The following CARD14 variants were observed in gnomAD, a reference collection of about 807,000 sequenced individuals.
The protein encoded by CARD14 is caspase recruitment domain family member 14, also known as caspase recruitment domain-containing protein 14.
In CARD14, 107 loss-of-function variants were observed where a neutral mutation model predicts 111.5. The ratio of observed to expected loss-of-function variants is 0.96; its 90% CI spans 0.82 to 1.13. The LOEUF is 1.13. CARD14 is among the 50% of genes most tolerant of loss of function. The probability of loss-of-function intolerance (pLI) is 0.00; values close to 1 mark genes in which losing one functional copy is unlikely to be tolerated. For missense variants in CARD14, 1,322 were observed against 1,362.3 expected, an observed-to-expected ratio of 0.97 and a Z score of 0.47; for synonymous variants, 617 against 579.6, an observed-to-expected ratio of 1.06 and a Z score of -0.93.
chr17:80,172,644 T>A (rs1191677306), intron 1 of CARD14, among the ~76,000 whole-genome samples: 1 of 152,034 alleles, frequency 6.6e-6, no homozygotes, highest in Admixed American at 6.6e-5. Context: ...TGATGCCCCC[T>A]AAACCGAGTC....
At chr17:80,196,327 T>C (rs755341) in intron 14 of CARD14, 86,108 of 152,116 alleles carry the variant, frequency 0.57, 25,183 homozygotes, top group African/African-American at 0.71. Context: ...GAATCAGAAA[T>C]CTTCATCTTT....
chr17:80,205,133 G>A lies in CARD14; in HGVS notation c.2497G>A (p.Val833Met), dbSNP rs1310418853. The change falls in exon 21 of 24, where the codon GTG (valine) becomes ATG (methionine). Residue 833 changes from valine (V) to methionine (M), a missense_variant. Val to Met is a conservative substitution (Grantham distance 21). Transcript: ENST00000648509. ...CGCCCGGCCCCGGCCTGTGCTCCTC[G>A]TGCCCAGGGCGGTTGGGAAGATCCT... is the stretch of plus-strand genomic sequence containing the variant. ...RPARPRPVLL[V>M]PRAVGKILSE... The A allele has an allele frequency of 5.6e-6, 9 of 1,613,720 alleles. No individual in the cohort carries two copies. Among genetic ancestry groups the A allele is most frequent in the East Asian group, 4.5e-5 (2 of 44,870 alleles).
rs990296556 is a variant in CARD14, at chr17:80,208,441, T to G, written c.*96T>G. On this transcript the variant is annotated 3_prime_UTR_variant, in exon 24 of 24. Transcript: ENST00000648509. ...AGGCCCTCTTGGCACAGCTGTGGGC[T>G]CCTTGGCACATGAGGCCGGCTCTCC... The G allele has an allele frequency of 2.5e-6, 3 of 1,176,484 alleles. No individual in the cohort carries two copies. The allele number at this position is 1,176,484 out of a possible 1,614,324, so 72.9% of individuals were successfully genotyped here. A position where few individuals can be genotyped will look rare whatever the true frequency, so the allele number is the denominator to read the frequency against.
At position 80,195,197 on chromosome 17, in the gene CARD14, C is replaced by A. The variant is rs1355906744; in HGVS notation, c.1363C>A (p.Leu455Ile). The A allele has an allele frequency of 6.2e-7, 1 of 1,605,532 alleles. No individual in the cohort carries two copies. The highest frequency in any genetic ancestry group is 8.5e-7 in the Non-Finnish European group (1 of 1,175,324). Reference sequence around the variant, plus strand: ...TCTGCCCTCCCTCCTCCAGTCTCAGCTCTTGTCGGACCTGAGTGCCACGTC... The same window carrying A: ...TCTGCCCTCCCTCCTCCAGTCTCAGATCTTGTCGGACCTGAGTGCCACGTC... Reference protein sequence around the residue: ...CSLVSSTESQLLSDLSATSSR... With the variant: ...CSLVSSTESQILSDLSATSSR... The change falls in exon 13 of 24, where the codon CTC (leucine) becomes ATC (isoleucine). Residue 455 changes from leucine to isoleucine, a missense_variant. Coordinates refer to ENST00000648509, the MANE Select transcript of CARD14 (RefSeq NM_001366385.1). The surrounding 1 kb of genome is among the most constrained non-coding windows in gnomAD (Gnocchi z 4.7).
rs1462870207 is a variant in CARD14 at position 80,182,378 on chromosome 17, C to T, written c.212-275C>T. On this transcript the variant is annotated intron_variant, in intron 5 of 23. Transcript: ENST00000648509. The surrounding 1 kb of genome is among the most constrained non-coding windows in gnomAD (Gnocchi z 4.7). ...TCCTCACCCCGTCCCGGTCCCCCCGCACTCGCCAGAGCACTGGGGTTGCAG... is the reference window on the plus strand; with the variant it reads ...TCCTCACCCCGTCCCGGTCCCCCCGTACTCGCCAGAGCACTGGGGTTGCAG... Among the ~76,000 whole-genome samples, 4 of 152,238 alleles carry T rather than the reference C, an allele frequency of 2.6e-5. No homozygotes were observed. Among genetic ancestry groups the T allele is most frequent in the African/African-American group, 9.6e-5 (4 of 41,460 alleles).
At position 80,172,872 on chromosome 17, in the gene CARD14, CTTTTTTTTTTTTTTTT is replaced by C. The variant is rs55912754; in HGVS notation, c.-689-23_-689-8del. ...CCCATACTTGCTTATTCTAAACATTCTTTTTTTTTTTTTTTTTTTTTTTTTTGAGGTAGAGTTTCAC... is the reference window on the plus strand; with the variant it reads ...CCCATACTTGCTTATTCTAAACATTCTTTTTTTTTTGAGGTAGAGTTTCAC... On this transcript the variant is annotated intron_variant, in intron 1 of 23. Transcript: ENST00000648509. 1.4e-5 allele frequency: 1 copy of C among 70,752 alleles called. No individual in the cohort carries two copies. Among genetic ancestry groups the C allele is most frequent in the African/African-American group, 5.8e-5 (1 of 17,156 alleles). The allele number at this position is 70,752 out of a possible 1,614,324, so 4.4% of individuals were successfully genotyped here.
Position 80,188,563 on chromosome 17 carries a change from A to G in CARD14, c.843+19A>G, listed in dbSNP as rs770790125. On this transcript the variant is annotated intron_variant, in intron 8 of 23. Coordinates refer to ENST00000648509, the MANE Select transcript of CARD14 (RefSeq NM_001366385.1). This position sits in a 1 kb window ranked among gnomAD's most constrained non-coding sequence, Gnocchi z 4.5. ...CAGCCTGGTAGGTTCCGGTCCCCGC[A>G]GCAGAGAGCGGCCTCCTGCCTTGGG... is the stretch of plus-strand genomic sequence containing the variant. The G allele has an allele frequency of 2.1e-6, 3 of 1,458,944 alleles. No individual in the cohort carries two copies. The highest frequency in any genetic ancestry group is 2.7e-6 in the Non-Finnish European group (3 of 1,102,830). The allele number at this position is 1,458,944 out of a possible 1,614,324, so 90.4% of individuals were successfully genotyped here. A position where few individuals can be genotyped will look rare whatever the true frequency, so the allele number is the denominator to read the frequency against.
At chr17:80,177,561 G>A (rs1456984712) in intron 2 of CARD14, among the ~76,000 whole-genome samples, 1 of 152,116 alleles carries the variant, frequency 6.6e-6, no homozygotes, top group African/African-American at 2.4e-5. Flanking sequence ...TGGGCATGGT[G>A]GCATGCACCT....
chr17:80,204,549 G>A lies in CARD14; in HGVS notation c.2398+208G>A, dbSNP rs148464782. ...TGAGGCAGGAGAATCGCCTGAACCC[G>A]GGAGGCAGAGGTGGCAGTGAGCCGA... On this transcript the variant is annotated intron_variant, in intron 20 of 23. Coordinates refer to ENST00000648509, the MANE Select transcript of CARD14 (RefSeq NM_001366385.1). 367 of 474,736 alleles carry A rather than the reference G, an allele frequency of 7.7e-4. 3 individuals are homozygous for A. Among genetic ancestry groups the A allele is most frequent in the African/African-American group, 6.2e-3 (318 of 51,690 alleles). The allele number at this position is 474,736 out of a possible 1,614,324, so 29.4% of individuals were successfully genotyped here.
chr17:80,194,732 C>T (rs1343141805), intron 12 of CARD14, among the ~76,000 whole-genome samples: 1 of 152,128 alleles, frequency 6.6e-6, no homozygotes, highest in Admixed American at 6.5e-5. Flanking sequence ...TTTATAAAAC[C>T]ATCAGATCTT....
chr17:80,194,656 T>C (rs973432779), intron 12 of CARD14, among the ~76,000 whole-genome samples: 9 of 152,174 alleles, frequency 5.9e-5, no homozygotes, highest in African/African-American at 2.2e-4. Flanking sequence ...CTTACAATCA[T>C]GGCAGAAGGC....
At chr17:80,179,408 A>G (rs888151193) in intron 4 of CARD14, 107 bp downstream of exon 4, 3 of 152,262 alleles carry the variant, frequency 2.0e-5, no homozygotes, top group African/African-American at 7.2e-5. Context: ...GAAGCCGTAC[A>G]GCCTTGCACA....
chr17:80,174,918 T>G (rs1322211019), intron 2 of CARD14, among the ~76,000 whole-genome samples: 1 of 152,142 alleles, frequency 6.6e-6, no homozygotes, highest in Non-Finnish European at 1.5e-5. Flanking sequence ...GTGCCCCCAG[T>G]GCCCCTTGGC....
rs997702870 is a variant in CARD14, at chr17:80,188,038, G to A, written c.676-339G>A. The A allele has an allele frequency of 7.8e-6, 7 of 902,624 alleles. No individual in the cohort carries two copies. Among genetic ancestry groups the A allele is most frequent in the African/African-American group, 3.6e-5 (2 of 56,164 alleles). 55.9% of individuals were successfully genotyped at this position (902,624 alleles called of 1,614,324 possible). A position where few individuals can be genotyped will look rare whatever the true frequency, so the allele number is the denominator to read the frequency against. ...GAACATGGACAAGCAGGGAAGCCAG[G>A]GAGCATGCTGGCCATCACTGCCGGC... On this transcript the variant is annotated intron_variant, in intron 7 of 23. Transcript: ENST00000648509. The surrounding 1 kb of genome is among the most constrained non-coding windows in gnomAD (Gnocchi z 4.5).
Position 80,184,189 on chromosome 17 carries a change from T to C in CARD14, c.626T>C (p.Leu209Pro). Residue 209 changes from leucine (L) to proline (P), a missense_variant, in exon 7 of 24, where the codon CTG becomes CCG. By Grantham distance (98) the Leu-to-Pro change is moderately conservative. Coordinates refer to ENST00000648509, the MANE Select transcript of CARD14 (RefSeq NM_001366385.1). ...CTCTCGCTGCACTATAGCAATGCGCTGCAGGAGAAGGAGCTGGCCGCCTCA... is the reference window on the plus strand; with the variant it reads ...CTCTCGCTGCACTATAGCAATGCGCCGCAGGAGAAGGAGCTGGCCGCCTCA... Reference protein sequence around the residue: ...LSLSLHYSNALQEKELAASRC... With the variant: ...LSLSLHYSNAPQEKELAASRC... 6.4e-7 allele frequency: 1 copy of C among 1,559,284 alleles called. No individual in the cohort carries two copies. The highest frequency in any genetic ancestry group is 8.7e-7 in the Non-Finnish European group (1 of 1,151,670).
In CARD14 at chr17:80,201,807, G is replaced by T; in HGVS notation, c.1915G>T (p.Ala639Ser). Residue 639 changes from alanine to serine, a missense_variant, in exon 17 of 24, where the codon GCC becomes TCC. By Grantham distance (99) the Ala-to-Ser change is moderately conservative. Transcript: ENST00000648509. The surrounding 1 kb of genome is among the most constrained non-coding windows in gnomAD (Gnocchi z 5.0). ...CCTGGAGGACACGACCCTGGAGGAG[G>T]CCGTGGGGCTTCTCAGGAGGGTGGA... ...AVLEDTTLEE[A>S]VGLLRRVDGF... 1 of 1,613,936 alleles carries T rather than the reference G, an allele frequency of 6.2e-7. No homozygotes were observed. The highest frequency in any genetic ancestry group is 8.5e-7 in the Non-Finnish European group (1 of 1,179,832).
At chr17:80,181,715 C>A in intron 5 of CARD14, 66 bp downstream of exon 5, 1 of 1,411,130 alleles carries the variant, frequency 7.1e-7, no homozygotes, top group Non-Finnish European at 9.5e-7. Flanking sequence ...CCACTGTCTG[C>A]CTCTGTCTTC....
Position 80,182,577 on chromosome 17 carries a change from C to G in CARD14, c.212-76C>G. Reference sequence around the variant, plus strand: ...GTTTCCCAGCCCCAGGCCTCTCCCCCGTGGGGAAGCCAGCCAGGGAGCCCA... The same window carrying G: ...GTTTCCCAGCCCCAGGCCTCTCCCCGGTGGGGAAGCCAGCCAGGGAGCCCA... On this transcript the variant is annotated intron_variant, in intron 5 of 23. Coordinates refer to ENST00000648509, the MANE Select transcript of CARD14 (RefSeq NM_001366385.1). The surrounding 1 kb of genome is among the most constrained non-coding windows in gnomAD (Gnocchi z 4.7). 1.9e-6 allele frequency: 3 copies of G among 1,563,742 alleles called. No homozygotes were observed. The highest frequency in any genetic ancestry group is 2.6e-6 in the Non-Finnish European group (3 of 1,147,244).
At chr17:80,193,415 C>CAGACAGTCCCCGG (rs1567884700) in intron 12 of CARD14, among the ~76,000 whole-genome samples, 8 of 150,972 alleles carry the variant, frequency 5.3e-5, no homozygotes, top group East Asian at 2.0e-4. Flanking sequence ...CAACCTGGCA[C>CAGACAGTCCCCGG]ACATGGTCCC....
Sources: gnomAD v4.1 joint callset for allele counts (sites outside exome capture counted in the v4.1 genomes callset) on GRCh38, gnomAD v4.1.1 for gene constraint, Gnocchi (gnomAD v3.1) non-coding constraint, MANE v1.5 for transcripts, NCBI Gene and HGNC (gene_info 2026-07-23, HGNC 2026-07-21) for gene names.